RABL6: variants seen among roughly 807,000 people sequenced by gnomAD.
The protein encoded by RABL6 is RAB, member RAS oncogene family like 6.
In RABL6, 28 loss-of-function variants were observed where a neutral mutation model predicts 72.9. The ratio of observed to expected loss-of-function variants is 0.38; its 90% CI spans 0.28 to 0.53. The LOEUF is 0.53. Ranked by LOEUF, RABL6 falls within the 20% of genes least tolerant of loss-of-function variation. The pLI is 0.80. For synonymous variants in RABL6, 477 were observed against 421.2 expected (o/e 1.13, Z -1.62); for missense variants, 1,029 against 1,008.4 (o/e 1.02, Z -0.28).
At position 136,831,868 on chromosome 9, in the gene RABL6, G is replaced by A. The variant is rs777708293; in HGVS notation, c.599+7G>A. 37 of 1,605,524 alleles carry A rather than the reference G, an allele frequency of 2.3e-5. No homozygotes were observed. The highest frequency in any genetic ancestry group is 1.7e-4 in the Middle Eastern group (1 of 5,918). ...TCATCGACAACCTGGACAGGTGGGT[G>A]CGGTGGCCCTGCTCCCGAGGGACCC... is the stretch of plus-strand genomic sequence containing the variant. On this transcript the variant is annotated splice_region_variant and intron_variant, in intron 6 of 14. Coordinates refer to ENST00000311502, the MANE Select transcript of RABL6 (RefSeq NM_024718.5).
intron 12 of RABL6, 43 bp downstream of exon 12, chr9:136,839,529 G>A (rs1164098355): frequency 9.5e-6 from 15 of 1,582,030 alleles, no homozygotes; most frequent in Non-Finnish European, 1.1e-5. Flanking sequence ...CAGGTGGCCA[G>A]GGTCCCTCCC....
rs371801159 is a variant in RABL6, at chr9:136,839,484, G to A, written c.1756G>A (p.Ala586Thr). The A allele has an allele frequency of 1.4e-4, 231 of 1,607,990 alleles. No homozygotes were observed. Among genetic ancestry groups the A allele is most frequent in the Non-Finnish European group, 1.8e-4 (216 of 1,176,342 alleles). The change falls in exon 12 of 15, where the codon GCG (alanine) becomes ACG (threonine). Residue 586 changes from alanine (A) to threonine (T), a missense_variant and splice_region_variant. Ala to Thr is a moderately conservative substitution (Grantham distance 58, BLOSUM62 0). Coordinates refer to ENST00000311502, the MANE Select transcript of RABL6 (RefSeq NM_024718.5). ...ESEGSDTQRR[A>T]DDFPVRDDPS... ...CGAGGGATCAGACACACAGCGCAGGGCGGTAAGACGAGTCCTCCCGGGGCA... is the reference window on the plus strand; with the variant it reads ...CGAGGGATCAGACACACAGCGCAGGACGGTAAGACGAGTCCTCCCGGGGCA...
chr9:136,811,899 C>T (rs1419365531), intron 1 of RABL6, among the ~76,000 whole-genome samples: 2 of 152,210 alleles, frequency 1.3e-5, no homozygotes, highest in Non-Finnish European at 2.9e-5. Flanking sequence ...TCTGACTCCC[C>T]TCTTCCCATA....
intron 8 of RABL6, 173 bp downstream of exon 8, chr9:136,836,018 G>A: frequency 4.9e-6 from 3 of 614,538 alleles, no homozygotes; most frequent in Non-Finnish European, 8.6e-6. Context: ...GCCCCCAGCA[G>A]CCCCCCCACA....
chr9:136,816,832 G>C (rs979098181), intron 1 of RABL6, among the ~76,000 whole-genome samples: 1 of 152,022 alleles, frequency 6.6e-6, no homozygotes, highest in African/African-American at 2.4e-5. Context: ...AGAGTTTGTG[G>C]CCATATAGTA....
chr9:136,840,105 G>A, intron 13 of RABL6, 49 bp from the exon 14 acceptor site: 2 of 1,611,666 alleles, frequency 1.2e-6, no homozygotes, highest in Non-Finnish European at 1.7e-6. Flanking sequence ...ACCCAGCTTG[G>A]GGTCCCCGTT....
Position 136,818,388 on chromosome 9 carries a change from A to C in RABL6, c.131-5137A>C, listed in dbSNP as rs1208896663. On this transcript the variant is annotated intron_variant, in intron 1 of 14. Coordinates refer to ENST00000311502, the MANE Select transcript of RABL6 (RefSeq NM_024718.5). Reference sequence around the variant, plus strand: ...AAAAAAAAAAAAAAAAAAAAAAAAAAAAAAAAAAAAAAAAAACCAAAGGTA... The same window carrying C: ...AAAAAAAAAAAAAAAAAAAAAAAAACAAAAAAAAAAAAAAAACCAAAGGTA... Among the ~76,000 whole-genome samples, 126 of 110,070 alleles carry C rather than the reference A, an allele frequency of 1.1e-3. 5 individuals carry two copies. Among genetic ancestry groups the C allele is most frequent in the African/African-American group, 5.1e-3 (111 of 21,744 alleles). The allele number at this position is 110,070 out of a possible 152,430, so 72.2% of individuals were successfully genotyped here. A position where few individuals can be genotyped will look rare whatever the true frequency, so the allele number is the denominator to read the frequency against.
At chr9:136,833,578 G>C in intron 7 of RABL6, 2 of 1,169,334 alleles carry the variant, frequency 1.7e-6, no homozygotes, top group Non-Finnish European at 2.4e-6. Flanking sequence ...GCCCCAGCTG[G>C]GTCTGGGGAC....
At chr9:136,825,273 G>A (rs1311099164) in intron 2 of RABL6, among the ~76,000 whole-genome samples, 2 of 152,284 alleles carry the variant, frequency 1.3e-5, no homozygotes, top group African/African-American at 2.4e-5. Flanking sequence ...AACAGGGTCA[G>A]AAGGTGACAC....
intron 1 of RABL6, chr9:136,815,143 C>A (rs565724093): frequency 1.3e-5 from 4 of 312,362 alleles, no homozygotes; most frequent in African/African-American, 6.8e-5. Flanking sequence ...CAGAGTCATC[C>A]TCCTCCTCAT....
intron 3 of RABL6, 167 bp from the exon 4 acceptor site, chr9:136,828,327 T>A (rs926378082): frequency 4.5e-6 from 3 of 660,672 alleles, no homozygotes; most frequent in Admixed American, 2.4e-5. Context: ...CTCGCCCAGG[T>A]CCTGCTGCTC....
intron 7 of RABL6, 163 bp from the exon 8 acceptor site, chr9:136,835,579 G>A (rs1848570293): frequency 3.3e-6 from 2 of 612,124 alleles, no homozygotes; most frequent in Admixed American, 3.0e-5. Context: ...TGTGGTTCAA[G>A]TGGGGCCCAG....
chr9:136,825,756 T>C (rs372524623), intron 2 of RABL6, 23 bp from the exon 3 acceptor site: 53 of 1,611,894 alleles, frequency 3.3e-5, no homozygotes, highest in Middle Eastern at 1.6e-4. Context: ...TGGGCACTAA[T>C]TTTAGGATTC....
chr9:136,813,496 C>G, intron 1 of RABL6: 1 of 462,874 alleles, frequency 2.2e-6, no homozygotes, highest in Non-Finnish European at 3.9e-6. Context: ...CCATCCATCT[C>G]TGTTCCCTGC....
At chr9:136,830,275 G>A (rs998499030) in intron 5 of RABL6, among the ~76,000 whole-genome samples, 5 of 152,228 alleles carry the variant, frequency 3.3e-5, no homozygotes, top group East Asian at 1.9e-4. Flanking sequence ...TCACGGGGCC[G>A]CACACTCAGC....
rs1276204738 is a variant in RABL6 at position 136,839,842 on chromosome 9, G to A, written c.1907G>A (p.Gly636Glu). 1.9e-6 allele frequency: 3 copies of A among 1,612,500 alleles called. No homozygotes were observed. The highest frequency in any genetic ancestry group is 2.2e-5 in the East Asian group (1 of 44,878). ...TTCGGGCTGGGGCTGGAGGAGGCCG[G>A]ACCCAAGGAGAGCAGTGAGGAAGGT... is the stretch of plus-strand genomic sequence containing the variant. ...DLFGLGLEEAGPKESSEEGKE... is the reference protein window; with the variant it reads ...DLFGLGLEEAEPKESSEEGKE... The change falls in exon 13 of 15, where the codon GGA becomes GAA. Residue 636 changes from glycine to glutamate, a missense_variant. Transcript: ENST00000311502.
intron 8 of RABL6, chr9:136,836,445 C>T (rs1056643792): frequency 2.3e-4 from 35 of 152,496 alleles, no homozygotes; most frequent in Admixed American, 2.2e-3. Flanking sequence ...TCCTGAGGCC[C>T]CCCAGGAGGT....
At chr9:136,831,520 C>G (rs1458878455) in intron 5 of RABL6, among the ~76,000 whole-genome samples, 1 of 151,996 alleles carries the variant, frequency 6.6e-6, no homozygotes, top group Non-Finnish European at 1.5e-5. Flanking sequence ...GAGGGACGGG[C>G]GGGGGCTGCA....
chr9:136,839,584 G>A, intron 12 of RABL6, 98 bp downstream of exon 12: 1 of 1,551,232 alleles, frequency 6.4e-7, no homozygotes, highest in Non-Finnish European at 8.7e-7. Flanking sequence ...GCTTCTGGAA[G>A]AGGCATCTCA....
Sources: allele counts gnomAD v4.1 joint callset (sites outside exome capture counted in the v4.1 genomes callset), GRCh38; gene constraint gnomAD v4.1.1; transcripts MANE v1.5; gene names NCBI Gene and HGNC (gene_info 2026-07-23, HGNC 2026-07-21).